Variants in RANBP2 observed in about 807,000 individuals in gnomAD.
The protein encoded by RANBP2 is RAN binding protein 2.
A neutral mutation model predicts 303.6 loss-of-function variants in RANBP2; 57 were observed. The ratio of observed to expected loss-of-function variants is 0.19; its 90% confidence interval spans 0.15 to 0.23. RANBP2 has a LOEUF of 0.23. Among genes scored for constraint, RANBP2 ranks in the 10% least tolerant of loss-of-function variants. The probability of loss-of-function intolerance (pLI) is 1.00; values close to 1 mark genes in which losing one functional copy is unlikely to be tolerated. For synonymous variants in RANBP2, 1,167 were observed against 1,301.5 expected, an observed-to-expected ratio of 0.90 and a Z score of 2.23; for missense variants, 3,138 against 3,780.8, an observed-to-expected ratio of 0.83 and a Z score of 4.46.
chr2:109,532,594 G>A, the RANBP2 span, among the ~76,000 whole-genome samples: 9 of 152,122 alleles, frequency 5.9e-5, no homozygotes, highest in Non-Finnish European at 1.2e-4. Flanking sequence ...TCTCTCAGGT[G>A]AACTCAATGT....
the RANBP2 span, among the ~76,000 whole-genome samples, chr2:109,763,142 T>C: frequency 1.3e-5 from 2 of 150,060 alleles, no homozygotes; most frequent in African/African-American, 2.4e-5. Context: ...TTCCATTTTA[T>C]AGATGAGGAA....
chr2:109,584,279 C>T, the RANBP2 span, among the ~76,000 whole-genome samples: 2 of 129,920 alleles, frequency 1.5e-5, no homozygotes, highest in African/African-American at 5.8e-5. Flanking sequence ...GAGGTCGAGA[C>T]CAGCCTGGCC....
At chr2:109,679,142 AAAC>A in the RANBP2 span, among the ~76,000 whole-genome samples, 1 of 152,230 alleles carries the variant, frequency 6.6e-6, no homozygotes, top group African/African-American at 2.4e-5. Context: ...GGACCACACT[AAAC>A]AGCAAAATCA....
At chr2:109,435,152 G>A in the RANBP2 span, among the ~76,000 whole-genome samples, 1 of 152,106 alleles carries the variant, frequency 6.6e-6, no homozygotes, top group Non-Finnish European at 1.5e-5. Flanking sequence ...TGTCCTCTCC[G>A]GTTCCTTAGA....
At chr2:109,034,727 G>A in the RANBP2 span, among the ~76,000 whole-genome samples, 1 of 152,222 alleles carries the variant, frequency 6.6e-6, no homozygotes, top group African/African-American at 2.4e-5. Flanking sequence ...GAATGAGGGG[G>A]GTGGTACCCC....
At chr2:108,848,379 G>T in the RANBP2 span, among the ~76,000 whole-genome samples, 1 of 152,238 alleles carries the variant, frequency 6.6e-6, no homozygotes, top group Admixed American at 6.5e-5. Context: ...TATTGGGAAG[G>T]AGTAGAGAAG....
chr2:109,453,243 C>T, the RANBP2 span, among the ~76,000 whole-genome samples: 1 of 152,208 alleles, frequency 6.6e-6, no homozygotes, highest in Non-Finnish European at 1.5e-5. Flanking sequence ...TCTCTTCCTG[C>T]CCACCTGCCT....
At chr2:108,930,208 G>A in the RANBP2 span, 1 of 1,614,148 alleles carries the variant, frequency 6.2e-7, no homozygotes, top group Non-Finnish European at 8.5e-7. Flanking sequence ...ACCGCAGTTT[G>A]AGTATTCCGC....
the RANBP2 span, among the ~76,000 whole-genome samples, chr2:109,261,152 G>A: frequency 6.6e-6 from 1 of 152,108 alleles, no homozygotes; most frequent in African/African-American, 2.4e-5. Flanking sequence ...CTGTTGTGTG[G>A]ACACATCAAC....
At chr2:109,317,070 C>G in the RANBP2 span, among the ~76,000 whole-genome samples, 1 of 152,152 alleles carries the variant, frequency 6.6e-6, no homozygotes, top group Non-Finnish European at 1.5e-5. Context: ...ATCTTGGTGG[C>G]TTCCGCATTC....
the RANBP2 span, among the ~76,000 whole-genome samples, chr2:109,193,887 G>A: frequency 6.6e-6 from 1 of 152,192 alleles, no homozygotes. Flanking sequence ...CCGTTTACAG[G>A]GTTTGGCAGG....
chr2:109,289,191 C>T, the RANBP2 span, among the ~76,000 whole-genome samples: 1 of 152,152 alleles, frequency 6.6e-6, no homozygotes, highest in Non-Finnish European at 1.5e-5. Flanking sequence ...AGAAAAAGCC[C>T]CTTTCTCTGC....
the RANBP2 span, among the ~76,000 whole-genome samples, chr2:109,273,396 G>T: frequency 2.6e-5 from 4 of 152,208 alleles, no homozygotes; most frequent in African/African-American, 9.7e-5. Flanking sequence ...GGGGGAGGCA[G>T]GTCTCCAAGG....
chr2:108,909,950 G>A, the RANBP2 span, among the ~76,000 whole-genome samples: 2 of 152,172 alleles, frequency 1.3e-5, no homozygotes, highest in Non-Finnish European at 2.9e-5. Context: ...CTATAAACAG[G>A]GATGATACAA....
chr2:108,870,148 T>G, the RANBP2 span, among the ~76,000 whole-genome samples: 1 of 152,102 alleles, frequency 6.6e-6, no homozygotes, highest in Non-Finnish European at 1.5e-5. Flanking sequence ...TGAACAAAAT[T>G]TCTGTCAACA....
the RANBP2 span, among the ~76,000 whole-genome samples, chr2:109,424,726 T>C: frequency 2.6e-5 from 4 of 152,170 alleles, no homozygotes; most frequent in Non-Finnish European, 5.9e-5. Context: ...ATAAGTGATG[T>C]GTATGTTCTG....
chr2:108,975,603 T>C, the RANBP2 span, among the ~76,000 whole-genome samples: 1 of 151,950 alleles, frequency 6.6e-6, no homozygotes, highest in Non-Finnish European at 1.5e-5. Flanking sequence ...GGCAGCAGCT[T>C]TGGGGAGGCA....
the RANBP2 span, among the ~76,000 whole-genome samples, chr2:109,135,192 G>A: frequency 6.6e-6 from 1 of 152,186 alleles, no homozygotes; most frequent in Non-Finnish European, 1.5e-5. Flanking sequence ...CGGTGACCCA[G>A]CCCCAACCCC....
At chr2:109,372,792 C>T in the RANBP2 span, among the ~76,000 whole-genome samples, 8 of 152,168 alleles carry the variant, frequency 5.3e-5, no homozygotes, top group African/African-American at 1.4e-4. Context: ...ATGTGTCCCC[C>T]CTGCCTGACA....
Sources: allele counts gnomAD v4.1 joint callset (sites outside exome capture counted in the v4.1 genomes callset), GRCh38; gene constraint gnomAD v4.1.1; transcripts MANE v1.5; gene names NCBI Gene and HGNC (gene_info 2026-07-23, HGNC 2026-07-21).